SH3GL2: variants seen among roughly 807,000 people sequenced by gnomAD.
The protein encoded by SH3GL2 is SH3 domain containing GRB2 like 2, endophilin A1.
SH3GL2 carries 24 observed loss-of-function variants against 46.0 expected under a neutral mutation model. The observed-to-expected ratio is 0.52, with a 90% CI of 0.38 to 0.73. The LOEUF (loss-of-function observed/expected upper bound fraction) is 0.73. Among genes scored for constraint, SH3GL2 ranks in the 30% least tolerant of loss-of-function variants. The pLI is 0.00. For missense variants in SH3GL2, 413 were observed against 424.2 expected (o/e 0.97, Z 0.23); for synonymous variants, 196 against 147.1 (o/e 1.33, Z -2.40).
intron 2 of SH3GL2, among the ~76,000 whole-genome samples, chr9:17,759,352 T>TTG (rs1485925700): frequency 1.3e-5 from 2 of 152,190 alleles, no homozygotes; most frequent in East Asian, 3.9e-4. Flanking sequence ...GCTGATGCTG[T>TTG]TTCACCGGCT....
intron 3 of SH3GL2, among the ~76,000 whole-genome samples, chr9:17,771,264 G>C (rs1289731609): frequency 6.6e-6 from 1 of 152,134 alleles, no homozygotes; most frequent in African/African-American, 2.4e-5. Context: ...ACCCCCCAGG[G>C]AGTATAGGTC....
In SH3GL2 at chr9:17,759,570, A is replaced by G. The variant is rs540970229; in HGVS notation, c.115-1867A>G. ...TTAACCCCTCTGTATCTGTTTTCTC[A>G]TATACATTACAGAGTTTGTGAGCAT... On this transcript the variant is annotated intron_variant, in intron 2 of 8. Transcript: ENST00000380607. Among the ~76,000 whole-genome samples, 12 of 152,274 alleles carry G rather than the reference A, an allele frequency of 7.9e-5. 1 individual carries two copies. Among genetic ancestry groups the G allele is most frequent in the South Asian group, 6.2e-4 (3 of 4,828 alleles).
At chr9:17,782,617 A>G (rs1000767980) in intron 3 of SH3GL2, among the ~76,000 whole-genome samples, 14 of 152,276 alleles carry the variant, frequency 9.2e-5, no homozygotes, top group African/African-American at 1.7e-4. Context: ...AAACCATCCT[A>G]TGAGACCACA....
intron 1 of SH3GL2, among the ~76,000 whole-genome samples, chr9:17,662,557 G>A (rs900726908): frequency 6.6e-6 from 1 of 152,090 alleles, no homozygotes; most frequent in Non-Finnish European, 1.5e-5. Flanking sequence ...GATTAGGTTA[G>A]TTTTCTAGTA....
chr9:17,656,346 G>T (rs1820077097), intron 1 of SH3GL2, among the ~76,000 whole-genome samples: 1 of 151,830 alleles, frequency 6.6e-6, no homozygotes, highest in Non-Finnish European at 1.5e-5. Flanking sequence ...CATAAAATCG[G>T]TAGAGTAACT....
At chr9:17,672,745 C>T (rs1020541654) in intron 1 of SH3GL2, among the ~76,000 whole-genome samples, 2 of 152,100 alleles carry the variant, frequency 1.3e-5, no homozygotes, top group Admixed American at 6.5e-5. Flanking sequence ...AACTTCTAGA[C>T]CTCTCAGATA....
At chr9:17,636,441 A>C (rs1208228507) in intron 1 of SH3GL2, among the ~76,000 whole-genome samples, 1 of 152,150 alleles carries the variant, frequency 6.6e-6, no homozygotes, top group African/African-American at 2.4e-5. Context: ...AAACCTTATG[A>C]TATATAACAG....
chr9:17,757,362 G>A (rs1008131919), intron 2 of SH3GL2, among the ~76,000 whole-genome samples: 3 of 152,176 alleles, frequency 2.0e-5, no homozygotes, highest in Admixed American at 6.5e-5. Flanking sequence ...TACCATCAGA[G>A]TGAACAGGCA....
At chr9:17,697,830 C>G (rs940148681) in intron 1 of SH3GL2, among the ~76,000 whole-genome samples, 33 of 152,160 alleles carry the variant, frequency 2.2e-4, no homozygotes, top group African/African-American at 8.0e-4. Flanking sequence ...GATGACTTGG[C>G]CTGTGTTGCG....
At chr9:17,711,732 T>C (rs1470774660) in intron 1 of SH3GL2, among the ~76,000 whole-genome samples, 1 of 151,872 alleles carries the variant, frequency 6.6e-6, no homozygotes, top group African/African-American at 2.4e-5. Context: ...GATGTTGGGT[T>C]GTTTTCAGCT....
chr9:17,707,341 T>C (rs1821496773), intron 1 of SH3GL2, among the ~76,000 whole-genome samples: 1 of 152,034 alleles, frequency 6.6e-6, no homozygotes, highest in Admixed American at 6.6e-5. Context: ...CAGAACACGG[T>C]TGTAATCTCA....
intron 1 of SH3GL2, among the ~76,000 whole-genome samples, chr9:17,734,191 C>T (rs1822260634): frequency 6.6e-6 from 1 of 152,082 alleles, no homozygotes; most frequent in Non-Finnish European, 1.5e-5. Flanking sequence ...AGACTAATTG[C>T]CCTCAACCCT....
rs1258079014 is a variant in SH3GL2, at chr9:17,738,569, T to TGTGTGTGTATATACATAC, written c.46-8497_46-8496insGTGTGTGTATATACATAC. ...AAGTGTGTGTGTATATACATACATA[T>TGTGTGTGTATATACATAC]ATATATAGAGAGAGAGAGAGAGAGA... On this transcript the variant is annotated intron_variant, in intron 1 of 8. Coordinates refer to ENST00000380607, the MANE Select transcript of SH3GL2 (RefSeq NM_003026.5). Among the ~76,000 whole-genome samples, 110 of 88,056 alleles carry TGTGTGTGTATATACATAC rather than the reference T, an allele frequency of 1.2e-3. 1 individual carries two copies. The highest frequency in any genetic ancestry group is 1.6e-3 in the Non-Finnish European group (69 of 42,270). The allele number at this position is 88,056 out of a possible 152,430, so 57.8% of individuals were successfully genotyped here.
intron 1 of SH3GL2, among the ~76,000 whole-genome samples, chr9:17,648,419 G>A (rs1259667442): frequency 6.6e-6 from 1 of 152,134 alleles, no homozygotes; most frequent in African/African-American, 2.4e-5. Flanking sequence ...GGAATTTGGG[G>A]CCAAATCTTA....
At chr9:17,651,479 G>A (rs1278640814) in intron 1 of SH3GL2, among the ~76,000 whole-genome samples, 2 of 152,208 alleles carry the variant, frequency 1.3e-5, no homozygotes, top group East Asian at 3.9e-4. Context: ...AATTAATGCT[G>A]TGTTTGCCTT....
chr9:17,790,186 T>A (rs192101590), intron 6 of SH3GL2, among the ~76,000 whole-genome samples: 31 of 152,296 alleles, frequency 2.0e-4, no homozygotes, highest in Admixed American at 1.8e-3. Flanking sequence ...TTTCCTCTGC[T>A]TTTTATTCTA....
At chr9:17,760,099 G>A (rs10491540) in intron 2 of SH3GL2, among the ~76,000 whole-genome samples, 23,940 of 152,100 alleles carry the variant, frequency 0.16, 2,321 homozygotes, top group Middle Eastern at 0.25. Context: ...GCATTTTTAA[G>A]CTAATCACTA....
intron 1 of SH3GL2, among the ~76,000 whole-genome samples, chr9:17,607,284 C>A (rs1260071436): frequency 6.6e-6 from 1 of 152,156 alleles, no homozygotes; most frequent in Admixed American, 6.5e-5. Flanking sequence ...TATTACCATA[C>A]TGAATGTTGT....
chr9:17,626,027 T>A (rs754780354), intron 1 of SH3GL2, among the ~76,000 whole-genome samples: 1 of 152,192 alleles, frequency 6.6e-6, no homozygotes, highest in African/African-American at 2.4e-5. Flanking sequence ...CTTCCCCATC[T>A]CATCTTCCCT....
Sources: allele counts gnomAD v4.1 joint callset (sites outside exome capture counted in the v4.1 genomes callset), GRCh38; gene constraint gnomAD v4.1.1; transcripts MANE v1.5; gene names NCBI Gene and HGNC (gene_info 2026-07-23, HGNC 2026-07-21).